Variants in PLXNA4 observed in about 807,000 individuals in gnomAD.
PLXNA4 encodes plexin A4, also known as plexin-A4.
In PLXNA4, 44 loss-of-function variants were observed where a neutral mutation model predicts 191.8. The ratio of observed to expected loss-of-function variants is 0.23; its 90% CI spans 0.18 to 0.29. PLXNA4 has a LOEUF of 0.29. Ranked by LOEUF, PLXNA4 falls within the 10% of genes least tolerant of loss-of-function variation. The pLI is 1.00. For missense variants in PLXNA4, 1,800 were observed against 2,488.8 expected (o/e 0.72, Z 5.89); for synonymous variants, 1,082 against 1,009.5 (o/e 1.07, Z -1.36).
At chr7:132,562,471 TCTCCTCCTCCTTCTCTTCCTCTTTCTC>T (rs1563174197) in intron 1 of PLXNA4, among the ~76,000 whole-genome samples, 2 of 55,130 alleles carry the variant, frequency 3.6e-5, no homozygotes, top group East Asian at 1.5e-3. Flanking sequence ...CCTCCTCCTT[TCTCCTCCTCCTTCTCTTCCTCTTTCTC>T]CTCCTCCTCC....
chr7:132,199,847 G>A (rs535502067), intron 12 of PLXNA4, among the ~76,000 whole-genome samples: 2 of 152,212 alleles, frequency 1.3e-5, no homozygotes, highest in Non-Finnish European at 2.9e-5. Context: ...ACACATCCCC[G>A]TGAGGGTTGG....
At chr7:132,617,479 C>T (rs1164716174) in intron 2 of PLXNA4, among the ~76,000 whole-genome samples, 5 of 152,202 alleles carry the variant, frequency 3.3e-5, no homozygotes, top group Non-Finnish European at 5.9e-5. Context: ...TCTGCATGTC[C>T]TATGTCTTCC....
chr7:132,411,843 A>C (rs376790615), intron 3 of PLXNA4, among the ~76,000 whole-genome samples: 1 of 152,180 alleles, frequency 6.6e-6, no homozygotes, highest in Admixed American at 6.5e-5. Flanking sequence ...TTATGCTTGG[A>C]ATGTGAAGGA....
rs60144157 is a variant in PLXNA4 at position 132,608,066 on chromosome 7, C to T, written c.-87+37862G>A. ...ACTGCCATCATCCTCATCACTATCA[C>T]CATCACCACCATCACCACCATCATC... On this transcript the variant is annotated intron_variant, in intron 2 of 4. Transcript: ENST00000378539. Among the ~76,000 whole-genome samples, 19 of 5,510 alleles carry T rather than the reference C, an allele frequency of 3.4e-3. 1 individual carries two copies. The highest frequency in any genetic ancestry group is 9.7e-3 in the African/African-American group (14 of 1,446). The allele number at this position is 5,510 out of a possible 152,430, so 3.6% of individuals were successfully genotyped here.
intron 2 of PLXNA4, among the ~76,000 whole-genome samples, chr7:132,644,021 G>A (rs918573030): frequency 6.6e-6 from 1 of 152,168 alleles, no homozygotes; most frequent in Non-Finnish European, 1.5e-5. Flanking sequence ...ATTATTTTGT[G>A]AAAATGTTTA....
intron 2 of PLXNA4, among the ~76,000 whole-genome samples, chr7:132,631,442 T>G (rs1803488114): frequency 6.6e-6 from 1 of 152,130 alleles, no homozygotes; most frequent in Non-Finnish European, 1.5e-5. Context: ...TGAATAATCT[T>G]GTAGGAAGGG....
At chr7:132,203,518 G>C (rs528490523) in intron 10 of PLXNA4, 99 bp from the exon 11 acceptor site, 21 of 1,035,114 alleles carry the variant, frequency 2.0e-5, no homozygotes, top group Non-Finnish European at 2.8e-5. Context: ...GAGCTCACAG[G>C]CTAAAGACTG....
At chr7:132,289,473 T>C (rs1407271070) in intron 4 of PLXNA4, among the ~76,000 whole-genome samples, 2 of 152,258 alleles carry the variant, frequency 1.3e-5, no homozygotes, top group East Asian at 3.8e-4. Context: ...ATGCCTTGAC[T>C]GGTGCTTGGC....
At position 132,181,441 on chromosome 7, in the gene PLXNA4, A is replaced by C; in HGVS notation, c.3432T>G (p.Phe1144Leu). The change falls in exon 18 of 32, where the codon TTT (phenylalanine) becomes TTG (leucine). Residue 1144 changes from phenylalanine (F) to leucine (L), a missense_variant. Physicochemically the swap from Phe to Leu is conservative, Grantham distance 22. Coordinates refer to ENST00000321063, the MANE Select transcript of PLXNA4 (RefSeq NM_020911.2). ...GGATTCCTGAGGGACCAAAGGCCTC[A>C]AACACCGGGTTGGGATAGTAGGTGA... is the stretch of plus-strand genomic sequence containing the variant. The part of the protein sequence containing the change: ...TNFTYYPNPV[F>L]EAFGPSGILE... 9 of 1,614,096 alleles carry C rather than the reference A, an allele frequency of 5.6e-6. No individual in the cohort carries two copies. Among genetic ancestry groups the C allele is most frequent in the Non-Finnish European group, 6.8e-6 (8 of 1,180,020 alleles).
intron 9 of PLXNA4, among the ~76,000 whole-genome samples, chr7:132,214,098 C>G (rs1797890460): frequency 6.6e-6 from 1 of 152,320 alleles, no homozygotes; most frequent in East Asian, 1.9e-4. Flanking sequence ...CTTCATGAAA[C>G]AGGAGAGTTC....
intron 1 of PLXNA4, among the ~76,000 whole-genome samples, chr7:132,541,143 C>G (rs1800063533): frequency 6.6e-6 from 1 of 152,188 alleles, no homozygotes; most frequent in African/African-American, 2.4e-5. Flanking sequence ...TCACAGGTTT[C>G]CCGAAGCACT....
chr7:132,455,768 C>A (rs1796292171), intron 3 of PLXNA4, among the ~76,000 whole-genome samples: 1 of 152,084 alleles, frequency 6.6e-6, no homozygotes, highest in Non-Finnish European at 1.5e-5. Context: ...GGGAGTGGGG[C>A]CCAGATGGTC....
chr7:132,563,782 TTCC>T (rs1563176862), intron 1 of PLXNA4, among the ~76,000 whole-genome samples: 1 of 23,952 alleles, frequency 4.2e-5, no homozygotes. Context: ...CCTCCTCCTC[TTCC>T]TCCTCCTTCT....
chr7:132,543,836 C>T (rs1426796913), intron 1 of PLXNA4, among the ~76,000 whole-genome samples: 1 of 152,128 alleles, frequency 6.6e-6, no homozygotes, highest in African/African-American at 2.4e-5. Flanking sequence ...GGGCATGAGA[C>T]CAAAATCAGG....
intron 3 of PLXNA4, among the ~76,000 whole-genome samples, chr7:132,415,963 G>T (rs1204364257): frequency 2.0e-5 from 3 of 152,234 alleles, no homozygotes; most frequent in Non-Finnish European, 4.4e-5. Flanking sequence ...TAGCTATGCT[G>T]TCTGATAACC....
At chr7:132,253,864 C>T (rs1799340311) in intron 4 of PLXNA4, among the ~76,000 whole-genome samples, 1 of 152,202 alleles carries the variant, frequency 6.6e-6, no homozygotes. Flanking sequence ...GGCACCTCTG[C>T]CTACAGCCCC....
chr7:132,559,847 G>A (rs1050950763), intron 1 of PLXNA4, among the ~76,000 whole-genome samples: 3 of 152,336 alleles, frequency 2.0e-5, no homozygotes, highest in East Asian at 1.9e-4. Flanking sequence ...AACAGATACT[G>A]CTTGGGTTTT....
rs1032140912 is a variant in PLXNA4, at chr7:132,203,243, G to A, written c.2395+80C>T. The A allele has an allele frequency of 2.8e-5, 38 of 1,336,514 alleles. 1 individual carries two copies. The highest frequency in any genetic ancestry group is 2.8e-4 in the Admixed American group (16 of 57,242). The allele number at this position is 1,336,514 out of a possible 1,614,324, so 82.8% of individuals were successfully genotyped here. Reference sequence around the variant, plus strand: ...AGGAGGCGGGGGCAGAATGACTCCCGCGAGAATGCAGGACGGCTCCTTCCC... The same window carrying A: ...AGGAGGCGGGGGCAGAATGACTCCCACGAGAATGCAGGACGGCTCCTTCCC... On this transcript the variant is annotated intron_variant, in intron 11 of 31. Coordinates refer to ENST00000321063, the MANE Select transcript of PLXNA4 (RefSeq NM_020911.2).
At chr7:132,238,978 C>T (rs182838641) in intron 5 of PLXNA4, among the ~76,000 whole-genome samples, 1 of 152,372 alleles carries the variant, frequency 6.6e-6, no homozygotes, top group East Asian at 1.9e-4. Flanking sequence ...AGACAGGCAT[C>T]ACCATGTCCA....
Sources: gnomAD v4.1 joint callset for allele counts (sites outside exome capture counted in the v4.1 genomes callset) on GRCh38, gnomAD v4.1.1 for gene constraint, MANE v1.5 for transcripts, NCBI Gene and HGNC (gene_info 2026-07-23, HGNC 2026-07-21) for gene names.